TULP4: variants seen among roughly 807,000 people sequenced by gnomAD.
TULP4 encodes TUB like protein 4, also known as tubby-related protein 4.
Under a neutral mutation model 129.0 loss-of-function variants are expected in TULP4, and 16 were observed. The ratio of observed to expected loss-of-function variants is 0.12; its 90% CI spans 0.08 to 0.19. The LOEUF is 0.19. TULP4 is among the 10% of genes least tolerant of loss of function. The pLI, the probability that TULP4 is intolerant of heterozygous loss-of-function variation, is 1.00. For synonymous variants in TULP4, 998 were observed against 854.0 expected, an observed-to-expected ratio of 1.17 and a Z score of -2.94; for missense variants, 1,842 against 2,059.1, an observed-to-expected ratio of 0.89 and a Z score of 2.04.
At chr6:158,414,265 C>T (rs376114445) in intron 2 of TULP4, among the ~76,000 whole-genome samples, 133 of 152,314 alleles carry the variant, frequency 8.7e-4, no homozygotes, top group African/African-American at 2.9e-3. Context: ...GAGCCTGCCC[C>T]TTGACCATTA....
chr6:158,455,928 A>T (rs1319369401), intron 5 of TULP4, among the ~76,000 whole-genome samples: 1 of 152,190 alleles, frequency 6.6e-6, no homozygotes, highest in Non-Finnish European at 1.5e-5. Context: ...GAGAAAAGGC[A>T]TAGAAATGTA....
At chr6:158,461,423 A>AAAGG in intron 5 of TULP4, 140 bp from the exon 6 acceptor site, 1 of 801,476 alleles carries the variant, frequency 1.2e-6, no homozygotes, top group East Asian at 2.9e-5. Context: ...AAAAAAAAAA[A>AAAGG]AAAGGAAAAA....
chr6:158,343,836 CAAAGT>C (rs1780242134), intron 1 of TULP4, among the ~76,000 whole-genome samples: 1 of 152,158 alleles, frequency 6.6e-6, no homozygotes, highest in Admixed American at 6.5e-5. Flanking sequence ...AAAATACTAA[CAAAGT>C]GAAGTGCATG....
intron 5 of TULP4, among the ~76,000 whole-genome samples, chr6:158,459,477 A>T (rs966774919): frequency 6.6e-6 from 1 of 150,664 alleles, no homozygotes; most frequent in African/African-American, 2.4e-5. Context: ...AAACATTTGG[A>T]TTCATTCTTG....
At chr6:158,255,675 A>G (rs1488635618) in intron 1 of TULP4, among the ~76,000 whole-genome samples, 1 of 152,240 alleles carries the variant, frequency 6.6e-6, no homozygotes, top group Non-Finnish European at 1.5e-5. Flanking sequence ...AGCCAAGCCA[A>G]CAGCAGAGAG....
chr6:158,429,155 T>C (rs149550923), intron 2 of TULP4, among the ~76,000 whole-genome samples: 564 of 152,282 alleles, frequency 3.7e-3, no homozygotes, highest in Middle Eastern at 0.01. Context: ...ACTAATTATT[T>C]TGAGACAGAG....
intron 2 of TULP4, among the ~76,000 whole-genome samples, chr6:158,427,471 CTTTTTTTTTTTTTTTTTTTTTTTTTTTT>C (rs557678837): frequency 2.7e-5 from 2 of 74,124 alleles, no homozygotes; most frequent in East Asian, 4.2e-4. Context: ...ATTATCAGAC[CTTTTTTTTTTTTTTTTTTTTTTTTTTTT>C]TTTTTTTTTT....
rs752122680 is a variant in TULP4, at chr6:158,503,761, T to A, written c.4098T>A (p.Ser1366Arg). Reference sequence around the variant, plus strand: ...TGAAGAAGGAGGCTAGGACTTTGAGTGACTTTAATTCCCTAATCTCCAGCC... The same window carrying A: ...TGAAGAAGGAGGCTAGGACTTTGAGAGACTTTAATTCCCTAATCTCCAGCC... Reference protein sequence around the residue: ...GKVKKEARTLSDFNSLISSPH... With the variant: ...GKVKKEARTLRDFNSLISSPH... The change falls in exon 13 of 14, where the codon AGT becomes AGA. Residue 1366 changes from serine (S) to arginine (R), a missense_variant. Ser to Arg is a moderately radical substitution (Grantham distance 110). Around this residue, in one of 5 missense-constraint regions of TULP4, gnomAD observed 1,089 missense variants for 987.1 expected, o/e 1.10. Transcript: ENST00000367097. This position sits in a 1 kb window ranked among gnomAD's most constrained non-coding sequence, Gnocchi z 4.3. The A allele has an allele frequency of 5.6e-6, 9 of 1,614,000 alleles. No individual in the cohort carries two copies. Among genetic ancestry groups the A allele is most frequent in the Admixed American group, 1.7e-5 (1 of 60,016 alleles).
chr6:158,262,153 T>C (rs1362238154), intron 1 of TULP4, among the ~76,000 whole-genome samples: 2 of 152,154 alleles, frequency 1.3e-5, no homozygotes, highest in Admixed American at 6.5e-5. Context: ...TCCATGCATA[T>C]GGGAGAAGCA....
At chr6:158,245,839 T>C (rs1778018432) in intron 1 of TULP4, among the ~76,000 whole-genome samples, 1 of 152,190 alleles carries the variant, frequency 6.6e-6, no homozygotes, top group Non-Finnish European at 1.5e-5. Context: ...CAGAAGATGC[T>C]GAACAACTAG....
At position 158,241,885 on chromosome 6, in the gene TULP4, G is replaced by T. The variant is rs541180373; in HGVS notation, n.68+9582G>T. 235 of 724,276 alleles carry T rather than the reference G, an allele frequency of 3.2e-4. 2 individuals are homozygous for T. The highest frequency in any genetic ancestry group is 3.1e-3 in the South Asian group (221 of 70,536). 44.9% of individuals were successfully genotyped at this position (724,276 alleles called of 1,614,324 possible). A position where few individuals can be genotyped will look rare whatever the true frequency, so the allele number is the denominator to read the frequency against. ...TGGGATTACAGGCATGAGCCACCGC[G>T]CCAGGCCAGCTTTGTTAAATTCTAT... On this transcript the variant is annotated intron_variant and non_coding_transcript_variant, in intron 1 of 1. Coordinates refer to the TULP4 transcript ENST00000620026.
At chr6:158,423,410 A>G (rs1013076009) in intron 2 of TULP4, among the ~76,000 whole-genome samples, 2 of 152,250 alleles carry the variant, frequency 1.3e-5, no homozygotes, top group Non-Finnish European at 2.9e-5. Context: ...AATGTAGAGC[A>G]TATTTCAAGA....
At chr6:158,240,342 G>T (rs1367406492) in intron 1 of TULP4, among the ~76,000 whole-genome samples, 1 of 81,712 alleles carries the variant, frequency 1.2e-5, no homozygotes, top group Non-Finnish European at 2.7e-5. Context: ...GCCGGGCGGG[G>T]GGCTGACTCC....
intron 1 of TULP4, among the ~76,000 whole-genome samples, chr6:158,345,128 G>A (rs1780270469): frequency 6.6e-6 from 1 of 152,190 alleles, no homozygotes; most frequent in East Asian, 1.9e-4. Flanking sequence ...AGAAAAGTTT[G>A]TAGCTAGCAG....
chr6:158,238,099 C>T (rs1198833616), intron 1 of TULP4: 4 of 724,388 alleles, frequency 5.5e-6, no homozygotes, highest in African/African-American at 5.2e-5. Context: ...CACATGGTCA[C>T]TAATGCAGAC....
At chr6:158,483,338 T>C (rs573771035) in intron 8 of TULP4, among the ~76,000 whole-genome samples, 6 of 152,290 alleles carry the variant, frequency 3.9e-5, no homozygotes, top group South Asian at 2.1e-4. Flanking sequence ...TTTCTTTTTA[T>C]TGGGGGGATG....
chr6:158,292,847 G>T (rs146605825), intron 1 of TULP4, among the ~76,000 whole-genome samples: 1,690 of 152,204 alleles, frequency 0.011, 35 homozygotes, highest in African/African-American at 0.037. Flanking sequence ...AAGTCTTTTT[G>T]AATTATATCA....
intron 1 of TULP4, among the ~76,000 whole-genome samples, chr6:158,358,275 G>C (rs1435545407): frequency 2.6e-5 from 4 of 152,168 alleles, no homozygotes; most frequent in Non-Finnish European, 5.9e-5. Context: ...ACAGCTCTGT[G>C]AACTATTCTT....
intron 1 of TULP4, among the ~76,000 whole-genome samples, chr6:158,325,551 A>T (rs1583749771): frequency 6.6e-6 from 1 of 151,758 alleles, no homozygotes; most frequent in African/African-American, 2.4e-5. Flanking sequence ...ACGGGATTTC[A>T]CCGTGTTAGC....
Sources: allele counts gnomAD v4.1 joint callset (sites outside exome capture counted in the v4.1 genomes callset), GRCh38; gene constraint gnomAD v4.1.1; regional missense constraint gnomAD v4.1.1; non-coding constraint Gnocchi (gnomAD v3.1); transcripts MANE v1.5; gene names NCBI Gene and HGNC (gene_info 2026-07-23, HGNC 2026-07-21).